Variants in KAZN observed in about 807,000 individuals in gnomAD.
KAZN encodes kazrin.
KAZN carries 40 observed loss-of-function variants against 87.4 expected under a neutral mutation model. The ratio of observed to expected loss-of-function variants is 0.46; its 90% confidence interval spans 0.36 to 0.60. The LOEUF (loss-of-function observed/expected upper bound fraction) is 0.60. Ranked by LOEUF, KAZN falls within the 20% of genes least tolerant of loss-of-function variation. The pLI is 0.00. For missense variants in KAZN, 898 were observed against 1,073.9 expected (o/e 0.84, Z 2.29); for synonymous variants, 466 against 458.3 (o/e 1.02, Z -0.22).
At position 14,905,845 on chromosome 1, in the gene KAZN, A is replaced by AAATAAT. The variant is rs59662108; in HGVS notation, c.227-54814_227-54809dup. On this transcript the variant is annotated intron_variant, in intron 1 of 14. Transcript: ENST00000376030. ...GCGAGACTGTGAGACTCCGTCTCAA[A>AAATAAT]AATAATAATAATAATAATAATAATA... Among the ~76,000 whole-genome samples the AAATAAT allele has an allele frequency of 7.1e-3, 1,019 of 143,292 alleles. 6 individuals are homozygous for AAATAAT. The highest frequency in any genetic ancestry group is 0.027 in the East Asian group (128 of 4,790). The allele number at this position is 143,292 out of a possible 152,430, so 94.0% of individuals were successfully genotyped here.
At chr1:15,035,387 A>T (rs543026234) in intron 3 of KAZN, among the ~76,000 whole-genome samples, 1 of 152,322 alleles carries the variant, frequency 6.6e-6, no homozygotes, top group Non-Finnish European at 1.5e-5. Context: ...AGTTCTGCCT[A>T]TAGGGAGGGA....
intron 1 of KAZN, among the ~76,000 whole-genome samples, chr1:14,952,239 A>AGT (rs1572905660): frequency 1.2e-5 from 1 of 81,936 alleles, no homozygotes; most frequent in Non-Finnish European, 2.3e-5. Flanking sequence ...TTTCTTTCCC[A>AGT]CTGTGTGTGT....
intron 1 of KAZN, among the ~76,000 whole-genome samples, chr1:14,704,170 C>A (rs539980707): frequency 1.6e-4 from 25 of 152,350 alleles, no homozygotes; most frequent in Admixed American, 1.4e-3. Flanking sequence ...ACCTAGAAGA[C>A]TGTACCAACA....
At chr1:13,934,400 A>G (rs531254873) in intron 1 of KAZN, among the ~76,000 whole-genome samples, 20 of 152,344 alleles carry the variant, frequency 1.3e-4, no homozygotes, top group African/African-American at 4.3e-4. Flanking sequence ...GCCACTCTCT[A>G]GAGGCAAATC....
intron 1 of KAZN, among the ~76,000 whole-genome samples, chr1:14,016,124 T>G (rs1640559915): frequency 6.6e-6 from 1 of 152,182 alleles, no homozygotes; most frequent in South Asian, 2.1e-4. Context: ...CATATCTTGG[T>G]TCTGCACATC....
rs542775426 is a variant in KAZN at position 15,071,076 on chromosome 1, G to A, written c.1222+5323G>A. 4.7e-4 allele frequency among the ~76,000 whole-genome samples: 71 copies of A among 152,156 alleles called. No individual in the cohort carries two copies. In the Middle Eastern group the frequency reaches 0.01, roughly 22 times the overall value. On this transcript the variant is annotated intron_variant, in intron 8 of 14. Transcript: ENST00000376030. ...TTATTCTTTATAAAAGAGTATATTC[G>A]TAATTCTGCATTACAAAATAATGCC...
chr1:14,894,547 G>A (rs1488028105), intron 1 of KAZN, among the ~76,000 whole-genome samples: 2 of 152,212 alleles, frequency 1.3e-5, no homozygotes, highest in South Asian at 4.1e-4. Flanking sequence ...TGTCGATGTG[G>A]CACATCTTTC....
chr1:14,118,898 A>G (rs923569276), intron 1 of KAZN, among the ~76,000 whole-genome samples: 1 of 152,198 alleles, frequency 6.6e-6, no homozygotes, highest in African/African-American at 2.4e-5. Flanking sequence ...AAGGGTTTTA[A>G]AAGAATGCGA....
intron 1 of KAZN, among the ~76,000 whole-genome samples, chr1:13,942,569 AAAATGTATATAT>A (rs1187961213): frequency 1.9e-4 from 23 of 119,314 alleles, no homozygotes; most frequent in South Asian, 1.1e-3. Context: ...AAAAAAAAAA[AAAATGTATATAT>A]ATAATTCACC....
intron 1 of KAZN, among the ~76,000 whole-genome samples, chr1:14,711,255 C>G (rs927556202): frequency 3.3e-5 from 5 of 151,830 alleles, no homozygotes; most frequent in Non-Finnish European, 5.9e-5. Context: ...ACCTGTAGTC[C>G]CAGCCACTTG....
At chr1:14,110,252 G>A (rs1189936304) in intron 1 of KAZN, among the ~76,000 whole-genome samples, 2 of 152,108 alleles carry the variant, frequency 1.3e-5, no homozygotes, top group Non-Finnish European at 2.9e-5. Context: ...AGAACATGAG[G>A]GCATGGGTTC....
intron 8 of KAZN, among the ~76,000 whole-genome samples, chr1:15,092,005 A>G (rs937536784): frequency 7.0e-6 from 1 of 142,142 alleles, no homozygotes; most frequent in African/African-American, 2.7e-5. Context: ...TCTTGTAATG[A>G]TTTATAATAT....
At chr1:14,558,792 G>A (rs1267988554) in intron 2 of KAZN, among the ~76,000 whole-genome samples, 1 of 152,158 alleles carries the variant, frequency 6.6e-6, no homozygotes, top group African/African-American at 2.4e-5. Flanking sequence ...TAGGTCTAGA[G>A]TAGGCTGTTC....
At chr1:13,944,312 C>T (rs1443769280) in intron 1 of KAZN, among the ~76,000 whole-genome samples, 1 of 152,072 alleles carries the variant, frequency 6.6e-6, no homozygotes, top group Non-Finnish European at 1.5e-5. Context: ...TATGATATAT[C>T]CAGAAAAGGC....
At chr1:14,478,456 T>C (rs928522802) in intron 2 of KAZN, among the ~76,000 whole-genome samples, 16 of 152,144 alleles carry the variant, frequency 1.1e-4, no homozygotes, top group Admixed American at 9.8e-4. Context: ...TGAGACCCAA[T>C]TGGATGAATG....
In KAZN at chr1:14,723,042, C is replaced by T. The variant is rs149785799; in HGVS notation, c.226+123819C>T. 2.8e-3 allele frequency among the ~76,000 whole-genome samples: 420 copies of T among 152,210 alleles called. 1 individual carries two copies. The highest frequency in any genetic ancestry group is 3.6e-3 in the Non-Finnish European group (242 of 68,020). On this transcript the variant is annotated intron_variant, in intron 1 of 14. Coordinates refer to ENST00000376030, the MANE Select transcript of KAZN (RefSeq NM_201628.3). Reference sequence around the variant, plus strand: ...TTGGGAGGCTGAGGCAGTAGGATCACTTGAGCCCGGGAAGTCGAGGCTGCC... The same window carrying T: ...TTGGGAGGCTGAGGCAGTAGGATCATTTGAGCCCGGGAAGTCGAGGCTGCC...
chr1:14,919,563 G>A (rs1658270499), intron 1 of KAZN, among the ~76,000 whole-genome samples: 1 of 152,242 alleles, frequency 6.6e-6, no homozygotes, highest in African/African-American at 2.4e-5. Flanking sequence ...TTCACCAGGA[G>A]TTACAAAACT....
chr1:14,389,637 G>A (rs904451278), intron 2 of KAZN, among the ~76,000 whole-genome samples: 5 of 152,092 alleles, frequency 3.3e-5, no homozygotes, highest in Admixed American at 2.0e-4. Flanking sequence ...TTACTTATGG[G>A]AGCTAAAAAT....
chr1:14,821,509 C>T (rs1024523806), intron 1 of KAZN, among the ~76,000 whole-genome samples: 28 of 149,892 alleles, frequency 1.9e-4, no homozygotes, highest in African/African-American at 6.6e-4. Context: ...TGAGACTCCA[C>T]CTCTGAAAAA....
Sources: allele counts gnomAD v4.1 joint callset (sites outside exome capture counted in the v4.1 genomes callset), GRCh38; gene constraint gnomAD v4.1.1; transcripts MANE v1.5; gene names NCBI Gene and HGNC (gene_info 2026-07-23, HGNC 2026-07-21).